Variants in RAP1GDS1 observed in about 807,000 individuals in gnomAD.
The protein encoded by RAP1GDS1 is RAP1, GTP-GDP dissociation stimulator 1.
A neutral mutation model predicts 71.1 loss-of-function variants in RAP1GDS1; 35 were observed. The observed-to-expected ratio is 0.49, with a 90% CI of 0.38 to 0.65. RAP1GDS1 has a LOEUF of 0.65. Ranked by LOEUF, RAP1GDS1 falls within the 30% of genes least tolerant of loss-of-function variation. The pLI is 0.00. For missense variants in RAP1GDS1, 663 were observed against 706.1 expected (o/e 0.94, Z 0.69); for synonymous variants, 229 against 243.1 (o/e 0.94, Z 0.54).
intron 11 of RAP1GDS1, 139 bp from the exon 12 acceptor site, chr4:98,421,116 G>T: frequency 1.1e-6 from 1 of 920,586 alleles, no homozygotes; most frequent in South Asian, 2.8e-5. Context: ...ATCACATAAG[G>T]AATATTTGCA....
At chr4:98,276,711 G>C (rs1042165874) in intron 1 of RAP1GDS1, among the ~76,000 whole-genome samples, 1 of 152,152 alleles carries the variant, frequency 6.6e-6, no homozygotes, top group African/African-American at 2.4e-5. Flanking sequence ...AGAAGGAAAT[G>C]CTGGGACTAT....
In RAP1GDS1 at chr4:98,416,334, G is replaced by GTTTTTTTTTTTTTTT. The variant is rs70955932; in HGVS notation, c.764-395_764-381dup. On this transcript the variant is annotated intron_variant, in intron 7 of 14. Transcript: ENST00000408927. Reference sequence around the variant, plus strand: ...ATTATCTAAATCATGCATTTTCTTAGTTTTTTTTTTTTTTTTTTTTTTTTT... The same window carrying GTTTTTTTTTTTTTTT: ...ATTATCTAAATCATGCATTTTCTTAGTTTTTTTTTTTTTTTTTTTTTTTTTTTTTTTTTTTTTTTT... 9.7e-5 allele frequency among the ~76,000 whole-genome samples: 5 copies of GTTTTTTTTTTTTTTT among 51,572 alleles called. 1 individual carries two copies. Among genetic ancestry groups the GTTTTTTTTTTTTTTT allele is most frequent in the Admixed American group, 2.3e-4 (1 of 4,354 alleles). 33.8% of individuals were successfully genotyped at this position (51,572 alleles called of 152,430 possible). A position where few individuals can be genotyped will look rare whatever the true frequency, so the allele number is the denominator to read the frequency against.
In RAP1GDS1 at chr4:98,320,576, G is replaced by A. The variant is rs566035088; in HGVS notation, c.113-22563G>A. On this transcript the variant is annotated intron_variant, in intron 2 of 14. Coordinates refer to ENST00000408927, the MANE Select transcript of RAP1GDS1 (RefSeq NM_001100427.2). The stretch of plus-strand genomic sequence containing the variant: ...TCCCAGCACGCAGCTGGAGATCTGA[G>A]AACGGGCAGACTGCCTCCTCAAGTG... 1.2e-3 allele frequency among the ~76,000 whole-genome samples: 175 copies of A among 152,044 alleles called. No individual in the cohort carries two copies. In the South Asian group the frequency reaches 0.017, roughly 15 times the overall value.
intron 2 of RAP1GDS1, among the ~76,000 whole-genome samples, chr4:98,301,283 A>G (rs1728551727): frequency 6.6e-6 from 1 of 152,026 alleles, no homozygotes; most frequent in Non-Finnish European, 1.5e-5. Context: ...CTCCTTATGA[A>G]GTAGTGAAGA....
chr4:98,404,395 T>C, intron 6 of RAP1GDS1, 82 bp from the exon 7 acceptor site: 2 of 1,314,144 alleles, frequency 1.5e-6, no homozygotes. Flanking sequence ...TCAGTAATGG[T>C]ACAAAATAAC....
At chr4:98,380,768 A>G (rs1741884848) in intron 5 of RAP1GDS1, among the ~76,000 whole-genome samples, 1 of 151,836 alleles carries the variant, frequency 6.6e-6, no homozygotes, top group Non-Finnish European at 1.5e-5. Context: ...AGGAAGTAGG[A>G]AGAACACTAA....
At chr4:98,402,599 G>A (rs1237904409) in intron 6 of RAP1GDS1, among the ~76,000 whole-genome samples, 1 of 152,116 alleles carries the variant, frequency 6.6e-6, no homozygotes, top group African/African-American at 2.4e-5. Context: ...TTGACAATGT[G>A]CACCAAAGCA....
intron 13 of RAP1GDS1, among the ~76,000 whole-genome samples, chr4:98,435,708 TG>T (rs1425981005): frequency 6.6e-6 from 1 of 152,122 alleles, no homozygotes; most frequent in East Asian, 1.9e-4. Flanking sequence ...TTTTTTTGAC[TG>T]TTGAGTTTTG....
chr4:98,364,761 T>C (rs960731937), intron 4 of RAP1GDS1, among the ~76,000 whole-genome samples: 2 of 151,364 alleles, frequency 1.3e-5, no homozygotes, highest in African/African-American at 2.4e-5. Context: ...GTGCAGTGGC[T>C]CACACCTGTA....
chr4:98,423,127 G>A (rs982634699), intron 12 of RAP1GDS1, among the ~76,000 whole-genome samples: 4 of 152,352 alleles, frequency 2.6e-5, no homozygotes, highest in Non-Finnish European at 2.9e-5. Context: ...TTAAAGCTAC[G>A]TATGCTATTC....
At chr4:98,368,571 A>G (rs903684280) in intron 4 of RAP1GDS1, among the ~76,000 whole-genome samples, 10 of 152,200 alleles carry the variant, frequency 6.6e-5, no homozygotes, top group Non-Finnish European at 1.3e-4. Flanking sequence ...TCCAGGTAAA[A>G]TATTTAATTT....
intron 5 of RAP1GDS1, chr4:98,387,339 C>G: frequency 2.5e-6 from 1 of 407,166 alleles, no homozygotes; most frequent in Non-Finnish European, 5.1e-6. Context: ...TCTCAGCATA[C>G]TTTTCTGGAC....
At position 98,421,293 on chromosome 4, in the gene RAP1GDS1, G is replaced by A. The variant is rs1418963903; in HGVS notation, c.1339G>A (p.Val447Met). The change falls in exon 12 of 15, where the codon GTG becomes ATG. Residue 447 changes from valine (V) to methionine (M), a missense_variant. By Grantham distance (21) the Val-to-Met change is conservative (BLOSUM62 1). Coordinates refer to ENST00000408927, the MANE Select transcript of RAP1GDS1 (RefSeq NM_001100427.2). ...AEQLGKNVKL[V>M]ERLVEWCEAK... is the part of the protein sequence containing the mutation. The stretch of plus-strand genomic sequence containing the variant: ...ACAATTGGGAAAGAATGTTAAGTTA[G>A]TGGAGCGTTTGGTGGAATGGTGTGA... 1.9e-6 allele frequency: 3 copies of A among 1,611,490 alleles called. No individual in the cohort carries two copies. The highest frequency in any genetic ancestry group is 1.7e-6 in the Non-Finnish European group (2 of 1,178,498).
intron 2 of RAP1GDS1, among the ~76,000 whole-genome samples, chr4:98,317,414 T>C (rs1278124071): frequency 1.3e-5 from 2 of 152,186 alleles, no homozygotes; most frequent in Non-Finnish European, 2.9e-5. Flanking sequence ...GAACATTATA[T>C]GTTTTTAGAA....
At chr4:98,319,723 G>C (rs905363918) in intron 2 of RAP1GDS1, among the ~76,000 whole-genome samples, 1 of 146,944 alleles carries the variant, frequency 6.8e-6, no homozygotes, top group Non-Finnish European at 1.5e-5. Flanking sequence ...GAAGGTTTCA[G>C]TGAGCCAAAA....
At chr4:98,344,178 T>A (rs1269869351) in intron 3 of RAP1GDS1, among the ~76,000 whole-genome samples, 1 of 152,174 alleles carries the variant, frequency 6.6e-6, no homozygotes, top group Non-Finnish European at 1.5e-5. Context: ...GCATTTCAAG[T>A]TCCAGTTAGA....
intron 5 of RAP1GDS1, among the ~76,000 whole-genome samples, chr4:98,381,252 G>C (rs1434430876): frequency 1.3e-5 from 2 of 151,194 alleles, no homozygotes; most frequent in Admixed American, 6.6e-5. Context: ...AAAACTTATC[G>C]AATAAAAAAG....
intron 2 of RAP1GDS1, among the ~76,000 whole-genome samples, chr4:98,304,018 A>G (rs1560802108): frequency 6.6e-6 from 1 of 152,230 alleles, no homozygotes; most frequent in East Asian, 1.9e-4. Context: ...CCATGTCCCT[A>G]CAAAGGACAT....
intron 8 of RAP1GDS1, 75 bp downstream of exon 8, chr4:98,416,963 ACTACCC>A: frequency 6.8e-7 from 1 of 1,467,812 alleles, no homozygotes; most frequent in Non-Finnish European, 9.3e-7. Flanking sequence ...TTCTGTAAAT[ACTACCC>A]TAGACATTTT....
Sources: gnomAD v4.1 joint callset for allele counts (sites outside exome capture counted in the v4.1 genomes callset) on GRCh38, gnomAD v4.1.1 for gene constraint, MANE v1.5 for transcripts, NCBI Gene and HGNC (gene_info 2026-07-23, HGNC 2026-07-21) for gene names.